Variants in CTIF observed in about 807,000 individuals in gnomAD.
The protein encoded by CTIF is CBP80/20-dependent translation initiation factor.
A neutral mutation model predicts 66.0 loss-of-function variants in CTIF; 21 were observed. The observed-to-expected ratio is 0.32, with a 90% confidence interval of 0.23 to 0.46. The LOEUF (loss-of-function observed/expected upper bound fraction) is 0.46. CTIF is among the 20% of genes least tolerant of loss of function. The pLI, the probability that CTIF is intolerant of heterozygous loss-of-function variation, is 1.00. For synonymous variants in CTIF, 345 were observed against 326.4 expected, an observed-to-expected ratio of 1.06 and a Z score of -0.62; for missense variants, 739 against 812.7, an observed-to-expected ratio of 0.91 and a Z score of 1.10.
chr18:48,611,727 AT>A (rs1361837122), intron 1 of CTIF, among the ~76,000 whole-genome samples: 4 of 152,148 alleles, frequency 2.6e-5, no homozygotes, highest in African/African-American at 9.7e-5. Flanking sequence ...CCCGGCCAAT[AT>A]GTTTTTCATG....
intron 10 of CTIF, among the ~76,000 whole-genome samples, chr18:48,828,958 T>G (rs953321019): frequency 2.7e-4 from 41 of 152,202 alleles, no homozygotes; most frequent in Non-Finnish European, 5.4e-4. Context: ...GGGCCATGCC[T>G]TGTAATTTTG....
At chr18:48,694,812 G>A (rs769498621) in intron 6 of CTIF, among the ~76,000 whole-genome samples, 4 of 152,166 alleles carry the variant, frequency 2.6e-5, no homozygotes, top group Non-Finnish European at 5.9e-5. Flanking sequence ...TTAACAAGTT[G>A]GAGTCGATTG....
chr18:48,577,055 A>T (rs1317088410), intron 1 of CTIF, among the ~76,000 whole-genome samples: 2 of 152,182 alleles, frequency 1.3e-5, no homozygotes, highest in African/African-American at 4.8e-5. Flanking sequence ...ATACTGACTG[A>T]GTTTCACAGG....
In CTIF at chr18:48,859,437, G is replaced by A; in HGVS notation, c.1675G>A (p.Glu559Lys). 6.2e-7 allele frequency: 1 copy of A among 1,614,162 alleles called. No homozygotes were observed. Among genetic ancestry groups the A allele is most frequent in the Non-Finnish European group, 8.5e-7 (1 of 1,180,030 alleles). Residue 559 changes from glutamate (E) to lysine (K), a missense_variant, in exon 12 of 12, where the codon GAG becomes AAG. This residue lies in a region of CTIF where 210 missense variants were observed against 292.3 expected (regional missense o/e 0.72). Transcript: ENST00000256413. The part of the protein sequence containing the change: ...SARDKMLCPS[E>K]SMLTRSLLLE... ...ACGGGACAAGATGCTGTGCCCCTCG[G>A]AGTCCATGCTGACCCGGTCGCTGCT... is the stretch of plus-strand genomic sequence containing the variant.
intron 6 of CTIF, among the ~76,000 whole-genome samples, chr18:48,702,434 G>A (rs571065928): frequency 6.6e-6 from 1 of 152,344 alleles, no homozygotes; most frequent in East Asian, 1.9e-4. Flanking sequence ...CGGGGTTCCT[G>A]AGTGAAGCCC....
At chr18:48,792,297 T>C (rs2067810372) in intron 9 of CTIF, among the ~76,000 whole-genome samples, 1 of 149,032 alleles carries the variant, frequency 6.7e-6, no homozygotes, top group Admixed American at 6.7e-5. Flanking sequence ...GAAGTCCAGG[T>C]CAGGGGGGTG....
At chr18:48,576,733 G>C (rs1196703439) in intron 1 of CTIF, among the ~76,000 whole-genome samples, 1 of 152,206 alleles carries the variant, frequency 6.6e-6, no homozygotes, top group Non-Finnish European at 1.5e-5. Flanking sequence ...ATAAAAGGAC[G>C]CAGGGAGGAT....
intron 7 of CTIF, among the ~76,000 whole-genome samples, chr18:48,724,355 C>T (rs1055215304): frequency 3.9e-5 from 6 of 152,176 alleles, no homozygotes; most frequent in African/African-American, 1.4e-4. Context: ...TCCACCTGCC[C>T]TCAGCTCTGT....
intron 1 of CTIF, among the ~76,000 whole-genome samples, chr18:48,614,005 G>A (rs941500177): frequency 5.3e-5 from 8 of 152,186 alleles, no homozygotes; most frequent in African/African-American, 1.4e-4. Flanking sequence ...GAGCAGAGCC[G>A]GGAGAGGAGG....
At chr18:48,843,643 C>T (rs2069001024) in intron 10 of CTIF, among the ~76,000 whole-genome samples, 2 of 152,150 alleles carry the variant, frequency 1.3e-5, no homozygotes, top group South Asian at 4.1e-4. Context: ...GAAAAACTCC[C>T]AACCTCCCAG....
chr18:48,708,319 C>T (rs1411449552), intron 6 of CTIF, among the ~76,000 whole-genome samples: 2 of 152,232 alleles, frequency 1.3e-5, no homozygotes, highest in Non-Finnish European at 1.5e-5. Context: ...CCCCTGTTAA[C>T]ACCCAAGTGT....
At chr18:48,749,948 C>A (rs995675801) in intron 7 of CTIF, among the ~76,000 whole-genome samples, 25 of 152,334 alleles carry the variant, frequency 1.6e-4, no homozygotes, top group Non-Finnish European at 2.4e-4. Flanking sequence ...TGGAAACACT[C>A]CACCAGGTTC....
intron 1 of CTIF, among the ~76,000 whole-genome samples, chr18:48,576,866 C>A (rs76417635): frequency 0.02 from 3,101 of 152,314 alleles, 106 homozygotes; most frequent in African/African-American, 0.071. Context: ...TTCTGGGCTT[C>A]GCCACTGAGG....
At chr18:48,826,314 T>C (rs1346879918) in intron 10 of CTIF, 2 of 152,242 alleles carry the variant, frequency 1.3e-5, no homozygotes, top group Non-Finnish European at 2.9e-5. Context: ...CCCCAGAAAG[T>C]GAGGTCCATT....
At chr18:48,568,634 A>AAAAAAAAAAAAAGAAG (rs1568037795) in intron 1 of CTIF, among the ~76,000 whole-genome samples, 2 of 32,972 alleles carry the variant, frequency 6.1e-5, no homozygotes, top group Non-Finnish European at 9.2e-5. Flanking sequence ...GGCAATTTGT[A>AAAAAAAAAAAAAGAAG]AAAAAAAAAA....
At position 48,664,494 on chromosome 18, in the gene CTIF, TC is replaced by T; in HGVS notation, c.376del (p.His126ThrfsTer33). The T allele has an allele frequency of 6.2e-7, 1 of 1,613,562 alleles. No individual in the cohort carries two copies. The highest frequency in any genetic ancestry group is 1.1e-5 in the South Asian group (1 of 91,080). On this transcript the variant is annotated frameshift_variant, in exon 5 of 12. Coordinates refer to ENST00000256413, the MANE Select transcript of CTIF (RefSeq NM_014772.3). LOFTEE classifies it high-confidence loss of function. ...CCGGAAAAGCTGGACTTCACCCAGT[TC>T]CACCGCAAAGTCCGACACACGCCCA... is the stretch of plus-strand genomic sequence containing the variant. ...LQPEKLDFTQ[F>X]HRKVRHTPKQ...
intron 7 of CTIF, among the ~76,000 whole-genome samples, chr18:48,719,645 A>T (rs2092314045): frequency 6.6e-6 from 1 of 152,240 alleles, no homozygotes; most frequent in African/African-American, 2.4e-5. Context: ...CCTGACCTGC[A>T]AGATCCCAGT....
intron 10 of CTIF, chr18:48,834,572 G>C (rs1313564435): frequency 6.6e-6 from 1 of 152,444 alleles, no homozygotes; most frequent in Non-Finnish European, 1.5e-5. Context: ...AGGAGAATTT[G>C]CAGTTTCCCA....
intron 3 of CTIF, among the ~76,000 whole-genome samples, chr18:48,652,233 C>T (rs1373544136): frequency 1.3e-5 from 2 of 152,024 alleles, no homozygotes; most frequent in African/African-American, 4.8e-5. Flanking sequence ...TGATAGACTG[C>T]TAGCAAGACT....
Sources: allele counts gnomAD v4.1 joint callset (sites outside exome capture counted in the v4.1 genomes callset), GRCh38; gene constraint gnomAD v4.1.1; regional missense constraint gnomAD v4.1.1; transcripts MANE v1.5; gene names NCBI Gene and HGNC (gene_info 2026-07-23, HGNC 2026-07-21).